Variants in PAX7 observed in about 807,000 individuals in gnomAD.
PAX7 encodes paired box protein Pax-7.
PAX7 carries 18 observed loss-of-function variants against 50.7 expected under a neutral mutation model. The observed-to-expected ratio is 0.36, with a 90% confidence interval of 0.25 to 0.53. The LOEUF is 0.53. Ranked by LOEUF, PAX7 falls within the 20% of genes least tolerant of loss-of-function variation. The pLI is 0.93. For synonymous variants in PAX7, 310 were observed against 290.4 expected (o/e 1.07, Z -0.69); for missense variants, 644 against 702.9 (o/e 0.92, Z 0.95).
intron 7 of PAX7, among the ~76,000 whole-genome samples, chr1:18,727,296 A>G (rs2743190): frequency 0.011 from 1,676 of 151,218 alleles, 41 homozygotes; most frequent in African/African-American, 0.038. Context: ...TTGCATGAAC[A>G]CACAGTACTC....
At chr1:18,716,510 TG>T (rs67066751) in intron 7 of PAX7, among the ~76,000 whole-genome samples, 9,253 of 64,490 alleles carry the variant, frequency 0.14, 555 homozygotes, top group East Asian at 0.25. Context: ...TTTTGTTTTT[TG>T]TTTTTTTCAC....
rs188580087 is a variant in PAX7 at position 18,691,755 on chromosome 1, G to A, written c.588G>A (p.Gly196=). 217 of 1,571,068 alleles carry A rather than the reference G, an allele frequency of 1.4e-4. No homozygotes were observed. Among genetic ancestry groups the A allele is most frequent in the Non-Finnish European group, 1.8e-4 (203 of 1,158,238 alleles). Residue 196 remains glycine, a splice_region_variant and synonymous_variant, in exon 5 of 9, where the codon GGG becomes GGA. Transcript: ENST00000420770. ...HSIDGILGDK[G]NRLDEGSDVE... ...TCCCTCCCTCTCCTCCGGCTGTAGG[G>A]AACCGGCTGGACGAGGGCTCGGATG...
chr1:18,723,906 T>G (rs745478512), intron 7 of PAX7, among the ~76,000 whole-genome samples: 5 of 152,168 alleles, frequency 3.3e-5, no homozygotes, highest in African/African-American at 7.2e-5. Context: ...GCGTCTGTCC[T>G]CCCCAAGCTG....
At chr1:18,715,978 T>C (rs1041901408) in intron 7 of PAX7, among the ~76,000 whole-genome samples, 14 of 151,984 alleles carry the variant, frequency 9.2e-5, no homozygotes, top group Middle Eastern at 3.4e-3. Context: ...TCCATCCTGT[T>C]CCCCCCGCTC....
chr1:18,743,325 G>A (rs567738237), intron 8 of PAX7, among the ~76,000 whole-genome samples: 8 of 152,316 alleles, frequency 5.3e-5, no homozygotes, highest in African/African-American at 1.9e-4. Flanking sequence ...TGAACCACTA[G>A]GCAATACAGC....
intron 3 of PAX7, among the ~76,000 whole-genome samples, chr1:18,635,820 ATG>A (rs59604586): frequency 1.7e-4 from 25 of 149,590 alleles, no homozygotes; most frequent in Admixed American, 2.7e-4. Flanking sequence ...GTGTGTGTGT[ATG>A]TGTGTGTGTG....
In PAX7 at chr1:18,700,448, C is replaced by T. The variant is rs2089204045; in HGVS notation, c.787-205C>T. Reference sequence around the variant, plus strand: ...GTAAAATGGGGATAATATAGAACCCCCTCACTGGTGGTTGTGAGGGCAGAA... The same window carrying T: ...GTAAAATGGGGATAATATAGAACCCTCTCACTGGTGGTTGTGAGGGCAGAA... On this transcript the variant is annotated intron_variant, in intron 5 of 8. Coordinates refer to ENST00000420770, the MANE Select transcript of PAX7 (RefSeq NM_001135254.2). The surrounding 1 kb of genome is among the most constrained non-coding windows in gnomAD (Gnocchi z 4.8). Among the ~76,000 whole-genome samples the T allele has an allele frequency of 6.6e-6, 1 of 152,130 alleles. No individual in the cohort carries two copies. The highest frequency in any genetic ancestry group is 1.5e-5 in the Non-Finnish European group (1 of 68,008).
At chr1:18,672,457 C>A (rs951287652) in intron 4 of PAX7, among the ~76,000 whole-genome samples, 1 of 152,150 alleles carries the variant, frequency 6.6e-6, no homozygotes, top group African/African-American at 2.4e-5. Context: ...CCCAGCAGAA[C>A]CATGGCTGGC....
At chr1:18,652,250 GC>G (rs550351519) in intron 4 of PAX7, among the ~76,000 whole-genome samples, 2 of 142,448 alleles carry the variant, frequency 1.4e-5, no homozygotes, top group African/African-American at 2.6e-5. Context: ...TCTCTTCCCC[GC>G]CCCCCCATTG....
intron 7 of PAX7, among the ~76,000 whole-genome samples, chr1:18,709,013 C>T (rs1164201621): frequency 6.6e-6 from 1 of 152,198 alleles, no homozygotes; most frequent in Non-Finnish European, 1.5e-5. Flanking sequence ...TTGAAGGCTG[C>T]AGGCAGGGTG....
intron 4 of PAX7, among the ~76,000 whole-genome samples, chr1:18,665,233 A>G (rs1389130275): frequency 6.6e-6 from 1 of 152,170 alleles, no homozygotes; most frequent in Non-Finnish European, 1.5e-5. Flanking sequence ...CTCAACCTCA[A>G]TGGCCTTAAC....
At chr1:18,674,257 T>G (rs1325819996) in intron 4 of PAX7, among the ~76,000 whole-genome samples, 1 of 152,174 alleles carries the variant, frequency 6.6e-6, no homozygotes. Context: ...TCCAAATAAT[T>G]CAAGAGGGGA....
rs935571610 is a variant in PAX7 at position 18,634,762 on chromosome 1, T to G, written c.321+224T>G. 1.8e-4 allele frequency among the ~76,000 whole-genome samples: 28 copies of G among 152,324 alleles called. No homozygotes were observed. Among genetic ancestry groups the G allele is most frequent in the African/African-American group, 6.7e-4 (28 of 41,576 alleles). On this transcript the variant is annotated intron_variant, in intron 2 of 8. Transcript: ENST00000420770. This position sits in a 1 kb window ranked among gnomAD's most constrained non-coding sequence, Gnocchi z 4.0. ...CAAGACCTTGAGGCCAATGAGCCAT[T>G]CCTGGACTGTCCCCACATTTGCCTC...
At chr1:18,649,127 G>A (rs921572026) in intron 4 of PAX7, among the ~76,000 whole-genome samples, 10 of 152,138 alleles carry the variant, frequency 6.6e-5, no homozygotes, top group African/African-American at 2.4e-4. Context: ...TTTTACAGAT[G>A]GAAAAGCTCA....
intron 7 of PAX7, among the ~76,000 whole-genome samples, chr1:18,709,098 T>A (rs2089318303): frequency 1.3e-5 from 2 of 152,132 alleles, no homozygotes; most frequent in Admixed American, 6.5e-5. Flanking sequence ...TAGCTGGAAC[T>A]TCCTCATCTC....
chr1:18,698,634 C>A (rs1214628235), intron 5 of PAX7, among the ~76,000 whole-genome samples: 1 of 152,228 alleles, frequency 6.6e-6, no homozygotes, highest in South Asian at 2.1e-4. Context: ...CCTGGAAGCT[C>A]GGAGGCAAGG....
intron 7 of PAX7, among the ~76,000 whole-genome samples, chr1:18,712,739 G>A (rs968086716): frequency 1.3e-5 from 2 of 152,168 alleles, no homozygotes; most frequent in African/African-American, 4.8e-5. Flanking sequence ...CGGGTCTTCA[G>A]CCCACCTATC....
At chr1:18,732,680 GGGA>G (rs2089661119) in intron 7 of PAX7, among the ~76,000 whole-genome samples, 1 of 152,198 alleles carries the variant, frequency 6.6e-6, no homozygotes, top group Non-Finnish European at 1.5e-5. Context: ...AGAGATAATG[GGGA>G]GCCATTCATA....
intron 4 of PAX7, among the ~76,000 whole-genome samples, chr1:18,656,528 G>A (rs1007775475): frequency 4.0e-5 from 6 of 151,656 alleles, no homozygotes; most frequent in Non-Finnish European, 7.4e-5. Context: ...TGTAACAGGC[G>A]GCTTCATTTA....
Sources: allele counts gnomAD v4.1 joint callset (sites outside exome capture counted in the v4.1 genomes callset), GRCh38; gene constraint gnomAD v4.1.1; non-coding constraint Gnocchi (gnomAD v3.1); transcripts MANE v1.5; gene names NCBI Gene and HGNC (gene_info 2026-07-23, HGNC 2026-07-21).